The following VPS26A variants were observed in gnomAD, a reference collection of about 807,000 sequenced individuals.
VPS26A encodes the protein VPS26 retromer complex component A, also known as vacuolar protein sorting-associated protein 26A.
In VPS26A, 22 loss-of-function variants were observed where a neutral mutation model predicts 42.4. The observed-to-expected ratio is 0.52, with a 90% CI of 0.37 to 0.74. The LOEUF (loss-of-function observed/expected upper bound fraction) is 0.74, where lower values mean the gene tolerates loss of function less well. Ranked by LOEUF, VPS26A falls within the 30% of genes least tolerant of loss-of-function variation. VPS26A has a pLI of 0.00. For missense variants in VPS26A, 276 were observed against 379.2 expected (o/e 0.73, Z 2.26); for synonymous variants, 110 against 123.5 (o/e 0.89, Z 0.73).
chr10:69,169,460 T>C (rs1461055397), intron 8 of VPS26A, among the ~76,000 whole-genome samples: 1 of 151,902 alleles, frequency 6.6e-6, no homozygotes, highest in Non-Finnish European at 1.5e-5. Flanking sequence ...ACAGGTTAAT[T>C]TTTGTATTTT....
intron 1 of VPS26A, among the ~76,000 whole-genome samples, chr10:69,132,276 ATAT>A (rs1313604984): frequency 1.3e-5 from 2 of 152,110 alleles, no homozygotes; most frequent in Non-Finnish European, 2.9e-5. Context: ...ACATATGTTA[ATAT>A]TTGATTATAG....
Position 69,172,186 on chromosome 10 carries a change from G to C in VPS26A, c.*917G>C, listed in dbSNP as rs1376467900. On this transcript the variant is annotated 3_prime_UTR_variant, in exon 9 of 9. Coordinates refer to ENST00000263559, the MANE Select transcript of VPS26A (RefSeq NM_004896.5). ...TTTTCAGGGGAAAATTTTGGGATGG[G>C]GGACTCAGGAGGACCTGTGAAGCAT... The C allele has an allele frequency of 6.6e-6, 1 of 152,090 alleles. No individual in the cohort carries two copies. Among genetic ancestry groups the C allele is most frequent in the East Asian group, 1.9e-4 (1 of 5,194 alleles). The allele number at this position is 152,090 out of a possible 1,614,324, so 9.4% of individuals were successfully genotyped here.
chr10:69,153,328 G>C (rs948510859), intron 2 of VPS26A, among the ~76,000 whole-genome samples: 1 of 151,670 alleles, frequency 6.6e-6, no homozygotes, highest in Admixed American at 6.6e-5. Flanking sequence ...AAGATTACAG[G>C]CATGAGCCAC....
chr10:69,162,315 A>G, intron 5 of VPS26A, 91 bp from the exon 6 acceptor site: 1 of 641,632 alleles, frequency 1.6e-6, no homozygotes, highest in Non-Finnish European at 2.6e-6. Flanking sequence ...TAATTATACT[A>G]AAGATGTCTA....
At position 69,172,904 on chromosome 10, in the gene VPS26A, ATCTCT is replaced by A. The variant is rs1378357627; in HGVS notation, c.*1640_*1644del. 3 of 152,244 alleles carry A rather than the reference ATCTCT, an allele frequency of 2.0e-5. No individual in the cohort carries two copies. Among genetic ancestry groups the A allele is most frequent in the Non-Finnish European group, 2.9e-5 (2 of 68,032 alleles). 9.4% of individuals were successfully genotyped at this position (152,244 alleles called of 1,614,324 possible). On this transcript the variant is annotated 3_prime_UTR_variant, in exon 9 of 9. Transcript: ENST00000263559. ...ATGATTAAAATAGCTCTGTTCTCAA[ATCTCT>A]TCTCATTGTTAGATTTATTGTCGAG...
chr10:69,168,317 G>T (rs369331966), intron 7 of VPS26A, among the ~76,000 whole-genome samples, 172 bp from the exon 8 acceptor site: 64 of 152,242 alleles, frequency 4.2e-4, no homozygotes, highest in African/African-American at 1.5e-3. Context: ...CCACAACAAA[G>T]AATTATTCAG....
intron 2 of VPS26A, among the ~76,000 whole-genome samples, chr10:69,143,253 G>GA (rs1841082806): frequency 6.6e-6 from 1 of 152,154 alleles, no homozygotes; most frequent in Non-Finnish European, 1.5e-5. Flanking sequence ...CTTTACCGCT[G>GA]TCTTGGTAGG....
chr10:69,137,666 AT>A (rs747201040), intron 2 of VPS26A, among the ~76,000 whole-genome samples: 2 of 152,128 alleles, frequency 1.3e-5, no homozygotes, highest in African/African-American at 2.4e-5. Flanking sequence ...AAATCAACTG[AT>A]TAGTAACCTG....
rs1214049012 is a variant in VPS26A at position 69,174,269 on chromosome 10, C to T, written c.*3000C>T. ...TGGAAGGAACCAACTCTGGACACAC[C>T]TTGAGTACACGAATTTGAAATTACA... On this transcript the variant is annotated 3_prime_UTR_variant, in exon 9 of 9. Coordinates refer to ENST00000263559, the MANE Select transcript of VPS26A (RefSeq NM_004896.5). Among the ~76,000 whole-genome samples the T allele has an allele frequency of 6.6e-6, 1 of 152,150 alleles. No individual in the cohort carries two copies. Among genetic ancestry groups the T allele is most frequent in the African/African-American group, 2.4e-5 (1 of 41,428 alleles).
chr10:69,128,230 A>AT (rs34855332), intron 1 of VPS26A, among the ~76,000 whole-genome samples: 2,814 of 122,028 alleles, frequency 0.023, 46 homozygotes, highest in Admixed American at 0.049. Flanking sequence ...TTGGGATTTG[A>AT]TTTTTTTTTT....
Position 69,158,084 on chromosome 10 carries a change from G to T in VPS26A, c.424G>T (p.Asp142Tyr). 6.2e-7 allele frequency: 1 copy of T among 1,611,160 alleles called. No homozygotes were observed. The highest frequency in any genetic ancestry group is 1.1e-5 in the South Asian group (1 of 90,398). The change falls in exon 5 of 9, where the codon GAT becomes TAT. Residue 142 changes from aspartate (D) to tyrosine (Y), a missense_variant. Physicochemically the swap from Asp to Tyr is radical, Grantham distance 160. Coordinates refer to ENST00000263559, the MANE Select transcript of VPS26A (RefSeq NM_004896.5). ...AGTGACAATAGTGAGAAGACTGACA[G>T]ATTTGGTAAAAGAGTATGATCTTAT... ...LKVTIVRRLT[D>Y]LVKEYDLIVH...
intron 2 of VPS26A, among the ~76,000 whole-genome samples, chr10:69,154,021 C>G (rs1841376859): frequency 6.6e-6 from 1 of 152,180 alleles, no homozygotes; most frequent in Non-Finnish European, 1.5e-5. Context: ...ATCATAGGAG[C>G]AGGCTGGCTT....
chr10:69,169,029 C>CTTTT (rs891644569), intron 8 of VPS26A, among the ~76,000 whole-genome samples: 2 of 143,322 alleles, frequency 1.4e-5, no homozygotes, highest in Non-Finnish European at 3.1e-5. Flanking sequence ...ATGGATATTG[C>CTTTT]TTTTTTTTTT....
chr10:69,125,273 T>G (rs967090787), intron 1 of VPS26A, among the ~76,000 whole-genome samples: 15 of 151,130 alleles, frequency 9.9e-5, no homozygotes, highest in African/African-American at 3.7e-4. Flanking sequence ...ATGATGTTGC[T>G]TTCAAAACAA....
intron 5 of VPS26A, among the ~76,000 whole-genome samples, chr10:69,158,614 TTATA>T (rs1841485360): frequency 6.6e-6 from 1 of 152,200 alleles, no homozygotes; most frequent in Non-Finnish European, 1.5e-5. Context: ...GTATATATGT[TTATA>T]TATGTTGTAT....
At chr10:69,169,346 G>A (rs865788011) in intron 8 of VPS26A, among the ~76,000 whole-genome samples, 2 of 151,984 alleles carry the variant, frequency 1.3e-5, no homozygotes, top group Non-Finnish European at 2.9e-5. Context: ...GTACAGGCAC[G>A]TACCACTGTG....
intron 2 of VPS26A, among the ~76,000 whole-genome samples, 172 bp from the exon 3 acceptor site, chr10:69,155,640 A>T (rs1841416906): frequency 1.3e-5 from 2 of 152,190 alleles, no homozygotes; most frequent in Non-Finnish European, 2.9e-5. Context: ...GTATAACTAA[A>T]TTACACCTTC....
At position 69,174,282 on chromosome 10, in the gene VPS26A, ATT is replaced by A. The variant is rs1841885872; in HGVS notation, c.*3015_*3016del. 6.6e-6 allele frequency among the ~76,000 whole-genome samples: 1 copy of A among 152,198 alleles called. No individual in the cohort carries two copies. Among genetic ancestry groups the A allele is most frequent in the Non-Finnish European group, 1.5e-5 (1 of 68,038 alleles). Reference sequence around the variant, plus strand: ...CTCTGGACACACCTTGAGTACACGAATTTGAAATTACACTGAGGTGATCATGC... The same window carrying A: ...CTCTGGACACACCTTGAGTACACGAATGAAATTACACTGAGGTGATCATGC... On this transcript the variant is annotated 3_prime_UTR_variant, in exon 9 of 9. Coordinates refer to ENST00000263559, the MANE Select transcript of VPS26A (RefSeq NM_004896.5).
intron 1 of VPS26A, among the ~76,000 whole-genome samples, chr10:69,125,958 C>T (rs1283741850): frequency 6.6e-6 from 1 of 152,044 alleles, no homozygotes; most frequent in Admixed American, 6.5e-5. Flanking sequence ...CTAAATTAAC[C>T]TAAAGTCAGT....
Sources: allele counts gnomAD v4.1 joint callset (sites outside exome capture counted in the v4.1 genomes callset), GRCh38; gene constraint gnomAD v4.1.1; transcripts MANE v1.5; gene names NCBI Gene and HGNC (gene_info 2026-07-23, HGNC 2026-07-21).